The following ZNF81 variants were observed in gnomAD, a reference collection of about 807,000 sequenced individuals.
ZNF81 encodes zinc finger protein 81, also known as zinc finger protein 81 (HFZ20).
ZNF81 carries 5 observed loss-of-function variants against 32.3 expected under a neutral mutation model. The observed-to-expected ratio is 0.15, with a 90% CI of 0.08 to 0.33. The LOEUF is 0.33. Ranked by LOEUF, ZNF81 falls within the 10% of genes least tolerant of loss-of-function variation. The pLI is 1.00. For synonymous variants in ZNF81, 163 were observed against 166.8 expected (o/e 0.98, Z 0.17); for missense variants, 379 against 479.8 (o/e 0.79, Z 1.96).
At chrX:47,853,309 G>A (rs1317906988) in intron 2 of ZNF81, among the ~76,000 whole-genome samples, 2 of 109,178 alleles carry the variant, frequency 1.8e-5, no homozygotes, top group East Asian at 5.7e-4. Flanking sequence ...AGCCTCCCGA[G>A]TAGCTGGGAC....
chrX:47,846,381 T>C, intron 2 of ZNF81, 60 bp downstream of exon 2: 2 of 1,146,571 alleles, frequency 1.7e-6, no homozygotes, highest in Non-Finnish European at 2.4e-6. Flanking sequence ...GAAGGAAAGA[T>C]ACTACCTCAT....
chrX:47,850,889 G>GCACACA (rs1201846775), intron 2 of ZNF81, among the ~76,000 whole-genome samples: 3 of 26,989 alleles, frequency 1.1e-4, no homozygotes, highest in African/African-American at 2.2e-4. Flanking sequence ...ACAGGCACGC[G>GCACACA]CGCACACACA....
chrX:47,882,855 G>A (rs141875247), intron 2 of ZNF81, among the ~76,000 whole-genome samples: 1,381 of 112,154 alleles, frequency 0.012, 23 homozygotes, highest in African/African-American at 0.041. Flanking sequence ...GCCGGGTGTG[G>A]TGGCACACGC....
chrX:47,877,205 C>T (rs782272822), intron 2 of ZNF81, among the ~76,000 whole-genome samples: 2 of 111,580 alleles, frequency 1.8e-5, no homozygotes, highest in Admixed American at 9.5e-5. Flanking sequence ...TGCACCCCCC[C>T]GCACCTTGAG....
intron 1 of ZNF81, 123 bp from the exon 2 acceptor site, chrX:47,845,982 G>A (rs1419035928): frequency 2.6e-6 from 1 of 377,806 alleles, no homozygotes; most frequent in Non-Finnish European, 4.7e-6. Context: ...AGCAGAATAT[G>A]TGTTTCTTGG....
At chrX:47,878,363 C>T (rs1406373381) in intron 2 of ZNF81, among the ~76,000 whole-genome samples, 1 of 112,105 alleles carries the variant, frequency 8.9e-6, no homozygotes, top group Non-Finnish European at 1.9e-5. Context: ...GATGGTGCGG[C>T]GCCATGCCAG....
intron 2 of ZNF81, among the ~76,000 whole-genome samples, chrX:47,852,168 A>G (rs939022102): frequency 8.9e-6 from 1 of 112,591 alleles, no homozygotes; most frequent in Non-Finnish European, 1.9e-5. Context: ...ACCTTAATTT[A>G]AAAATACTAC....
At chrX:47,845,915 CT>C (rs2058468436) in intron 1 of ZNF81, among the ~76,000 whole-genome samples, 189 bp from the exon 2 acceptor site, 1 of 112,139 alleles carries the variant, frequency 8.9e-6, no homozygotes, top group Non-Finnish European at 1.9e-5. Context: ...GAATTTAAAC[CT>C]TTATTAATTT....
chrX:47,908,471 T>C (rs2058728291), intron 4 of ZNF81, among the ~76,000 whole-genome samples: 1 of 112,018 alleles, frequency 8.9e-6, no homozygotes, highest in African/African-American at 3.2e-5. Flanking sequence ...CTTTGGAAGA[T>C]AGGCATTACC....
chrX:47,876,935 G>A (rs1404972561), intron 2 of ZNF81, among the ~76,000 whole-genome samples: 2 of 112,287 alleles, frequency 1.8e-5, no homozygotes, highest in African/African-American at 6.5e-5. Flanking sequence ...ACCTGGGAGA[G>A]GAAGGGAGAT....
At chrX:47,846,349 A>T (rs1569372584) in intron 2 of ZNF81, 28 bp downstream of exon 2, 1 of 1,196,422 alleles carries the variant, frequency 8.4e-7, no homozygotes, top group South Asian at 1.8e-5. Flanking sequence ...GTGCCCAGGG[A>T]TTGGAATTCA....
At chrX:47,891,729 T>G (rs1556886498) in intron 3 of ZNF81, among the ~76,000 whole-genome samples, 1 of 112,401 alleles carries the variant, frequency 8.9e-6, no homozygotes, top group Non-Finnish European at 1.9e-5. Context: ...CTACGCTGAC[T>G]GGTGGACCAT....
At chrX:47,907,954 C>T (rs2058726502) in intron 4 of ZNF81, among the ~76,000 whole-genome samples, 1 of 111,620 alleles carries the variant, frequency 9.0e-6, no homozygotes, top group Non-Finnish European at 1.9e-5. Flanking sequence ...CATTGGTGAA[C>T]TCTGGTCTTT....
At chrX:47,900,113 A>C (rs1556887734) in intron 4 of ZNF81, among the ~76,000 whole-genome samples, 3 of 111,459 alleles carry the variant, frequency 2.7e-5, no homozygotes. Flanking sequence ...TTAAAAATTT[A>C]TATGGATATG....
intron 2 of ZNF81, among the ~76,000 whole-genome samples, chrX:47,858,397 T>C (rs1360789224): frequency 1.8e-5 from 2 of 112,042 alleles, no homozygotes; most frequent in Non-Finnish European, 3.8e-5. Flanking sequence ...TCATCTTCCT[T>C]TGTCTTGTCT....
chrX:47,893,038 T>C (rs1310751663), intron 3 of ZNF81, among the ~76,000 whole-genome samples: 2 of 112,467 alleles, frequency 1.8e-5, no homozygotes, highest in Non-Finnish European at 3.8e-5. Context: ...ATTTAAAGGT[T>C]CAATGTCTAG....
At chrX:47,858,908 T>C (rs1277365629) in intron 2 of ZNF81, among the ~76,000 whole-genome samples, 1 of 110,372 alleles carries the variant, frequency 9.1e-6, no homozygotes, top group Non-Finnish European at 1.9e-5. Flanking sequence ...CTGACCAACA[T>C]GGTGAAACCC....
At chrX:47,881,445 G>C (rs782332826) in intron 2 of ZNF81, among the ~76,000 whole-genome samples, 7 of 112,027 alleles carry the variant, frequency 6.2e-5, no homozygotes, top group African/African-American at 2.3e-4. Flanking sequence ...TCTTACCCCT[G>C]TGCCACCGGC....
intron 4 of ZNF81, among the ~76,000 whole-genome samples, chrX:47,910,726 A>G (rs1181121419): frequency 3.6e-5 from 4 of 111,980 alleles, no homozygotes; most frequent in African/African-American, 1.3e-4. Flanking sequence ...GTACTTACTT[A>G]CCTGCATACC....
Sources: gnomAD v4.1 joint callset for allele counts (sites outside exome capture counted in the v4.1 genomes callset) on GRCh38, gnomAD v4.1.1 for gene constraint, MANE v1.5 for transcripts, NCBI Gene and HGNC (gene_info 2026-07-23, HGNC 2026-07-21) for gene names.